Variants in SLC24A3 observed in about 807,000 individuals in gnomAD.
The protein encoded by SLC24A3 is solute carrier family 24 member 3, also known as sodium/potassium/calcium exchanger 3.
SLC24A3 carries 28 observed loss-of-function variants against 75.8 expected under a neutral mutation model. That is an observed-to-expected ratio of 0.37 (90% CI 0.27 to 0.51). The LOEUF is 0.51. Among genes scored for constraint, SLC24A3 ranks in the 20% least tolerant of loss-of-function variants. SLC24A3 has a pLI of 0.94. For synonymous variants in SLC24A3, 372 were observed against 334.1 expected (o/e 1.11, Z -1.24); for missense variants, 663 against 847.8 (o/e 0.78, Z 2.71).
intron 2 of SLC24A3, among the ~76,000 whole-genome samples, chr20:19,318,783 G>T (rs1359087099): frequency 6.6e-6 from 1 of 152,144 alleles, no homozygotes; most frequent in Non-Finnish European, 1.5e-5. Flanking sequence ...GCTGATGGGG[G>T]TGGGGCAGTC....
chr20:19,313,607 G>T (rs957195273), intron 2 of SLC24A3, among the ~76,000 whole-genome samples: 1 of 152,206 alleles, frequency 6.6e-6, no homozygotes, highest in Non-Finnish European at 1.5e-5. Context: ...TCCTGCCACT[G>T]CTAGGTCTTT....
chr20:19,624,209 C>T (rs1001620646), intron 6 of SLC24A3, among the ~76,000 whole-genome samples: 1 of 152,150 alleles, frequency 6.6e-6, no homozygotes, highest in Non-Finnish European at 1.5e-5. Flanking sequence ...TGATTGGACT[C>T]CCTGCTTGGT....
intron 2 of SLC24A3, among the ~76,000 whole-genome samples, chr20:19,349,747 T>C (rs1985524144): frequency 6.6e-6 from 1 of 152,196 alleles, no homozygotes; most frequent in Non-Finnish European, 1.5e-5. Flanking sequence ...CCCTATCCCT[T>C]TCTCCTCACA....
At chr20:19,476,660 C>A (rs770285202) in intron 2 of SLC24A3, among the ~76,000 whole-genome samples, 1 of 152,120 alleles carries the variant, frequency 6.6e-6, no homozygotes, top group Non-Finnish European at 1.5e-5. Context: ...AACATATTGT[C>A]GGAGAGAGTT....
chr20:19,369,099 CT>C (rs1458086120), intron 2 of SLC24A3, among the ~76,000 whole-genome samples: 2 of 152,128 alleles, frequency 1.3e-5, no homozygotes, highest in Non-Finnish European at 2.9e-5. Flanking sequence ...TGGATAAATG[CT>C]TGATAAATAG....
At chr20:19,512,446 G>A (rs2029900900) in intron 2 of SLC24A3, among the ~76,000 whole-genome samples, 1 of 152,186 alleles carries the variant, frequency 6.6e-6, no homozygotes, top group African/African-American at 2.4e-5. Flanking sequence ...GTCCCAGCTG[G>A]GGCCACCATG....
chr20:19,679,894 T>A (rs2032590406), intron 9 of SLC24A3, among the ~76,000 whole-genome samples: 1 of 152,142 alleles, frequency 6.6e-6, no homozygotes, highest in Non-Finnish European at 1.5e-5. Flanking sequence ...TTCCTTGCAC[T>A]TTGTTCTTTA....
At chr20:19,328,254 G>A (rs926951305) in intron 2 of SLC24A3, among the ~76,000 whole-genome samples, 8 of 151,854 alleles carry the variant, frequency 5.3e-5, no homozygotes, top group Non-Finnish European at 8.8e-5. Flanking sequence ...GTCAAAGGTC[G>A]TGGGGAACCA....
chr20:19,436,382 A>G (rs1389032080), intron 2 of SLC24A3, among the ~76,000 whole-genome samples: 1 of 152,206 alleles, frequency 6.6e-6, no homozygotes. Context: ...TGGACTTCAC[A>G]GATGGATGTG....
In SLC24A3 at chr20:19,700,058, G is replaced by A. The variant is rs2032853465; in HGVS notation, c.1719+1378G>A. On this transcript the variant is annotated intron_variant, in intron 15 of 16. Transcript: ENST00000328041. Reference sequence around the variant, plus strand: ...TTGGCCAAAGGTCAACCATGGTTCAGGACTCTCCTGGAGGTATGCAAGGAT... The same window carrying A: ...TTGGCCAAAGGTCAACCATGGTTCAAGACTCTCCTGGAGGTATGCAAGGAT... 2.0e-5 allele frequency among the ~76,000 whole-genome samples: 3 copies of A among 152,192 alleles called. No homozygotes were observed. In the East Asian group the frequency reaches 5.8e-4, roughly 29 times the overall value.
chr20:19,667,393 G>A (rs914716436), intron 8 of SLC24A3, among the ~76,000 whole-genome samples: 1 of 152,162 alleles, frequency 6.6e-6, no homozygotes, highest in Non-Finnish European at 1.5e-5. Context: ...AATGGAGTGA[G>A]GGGCATTTTT....
At chr20:19,555,808 A>G (rs914061702) in intron 3 of SLC24A3, among the ~76,000 whole-genome samples, 4 of 152,230 alleles carry the variant, frequency 2.6e-5, no homozygotes, top group Admixed American at 6.5e-5. Flanking sequence ...CACCACACCA[A>G]GGGTTTCAAA....
At chr20:19,545,653 C>G (rs2030576051) in intron 3 of SLC24A3, among the ~76,000 whole-genome samples, 1 of 152,170 alleles carries the variant, frequency 6.6e-6, no homozygotes, top group Non-Finnish European at 1.5e-5. Context: ...ACAAGACCAC[C>G]TGCCCCCCAC....
chr20:19,543,087 G>A (rs899946499), intron 3 of SLC24A3, among the ~76,000 whole-genome samples: 3 of 152,150 alleles, frequency 2.0e-5, no homozygotes, highest in African/African-American at 7.2e-5. Context: ...TAATGATCAT[G>A]GCCTTGTCTA....
chr20:19,379,122 T>C (rs1986138248), intron 2 of SLC24A3, among the ~76,000 whole-genome samples: 1 of 152,154 alleles, frequency 6.6e-6, no homozygotes, highest in African/African-American at 2.4e-5. Context: ...AGATGAACCA[T>C]GAGCGGTAAA....
rs576702336 is a variant in SLC24A3, at chr20:19,668,245, C to T, written c.713+2356C>T. Reference sequence around the variant, plus strand: ...TGGCCCTTATCTACTTTGGGACTCCCGGGGATTTCAACTTCTCATTTAATG... The same window carrying T: ...TGGCCCTTATCTACTTTGGGACTCCTGGGGATTTCAACTTCTCATTTAATG... On this transcript the variant is annotated intron_variant, in intron 8 of 16. Coordinates refer to ENST00000328041, the MANE Select transcript of SLC24A3 (RefSeq NM_020689.4). Among the ~76,000 whole-genome samples, 161 of 152,266 alleles carry T rather than the reference C, an allele frequency of 1.1e-3. 1 individual carries two copies. The highest frequency in any genetic ancestry group is 3.6e-3 in the African/African-American group (149 of 41,544).
At chr20:19,229,851 G>C (rs1334715552) in intron 1 of SLC24A3, among the ~76,000 whole-genome samples, 1 of 152,006 alleles carries the variant, frequency 6.6e-6, no homozygotes, top group Non-Finnish European at 1.5e-5. Flanking sequence ...TATTGGGTCT[G>C]CTGTCTGCTG....
intron 1 of SLC24A3, among the ~76,000 whole-genome samples, chr20:19,236,828 G>A (rs1982183580): frequency 6.6e-6 from 1 of 152,146 alleles, no homozygotes; most frequent in Admixed American, 6.5e-5. Context: ...AAGGTCAACA[G>A]CTGTGGCAGA....
At chr20:19,662,771 A>G (rs1331456839) in intron 7 of SLC24A3, among the ~76,000 whole-genome samples, 2 of 152,272 alleles carry the variant, frequency 1.3e-5, no homozygotes, top group African/African-American at 2.4e-5. Context: ...TGTATTGAAT[A>G]ACATGAAATC....
Sources: gnomAD v4.1 joint callset for allele counts (sites outside exome capture counted in the v4.1 genomes callset) on GRCh38, gnomAD v4.1.1 for gene constraint, MANE v1.5 for transcripts, NCBI Gene and HGNC (gene_info 2026-07-23, HGNC 2026-07-21) for gene names.